The following MCC variants were observed in gnomAD, a reference collection of about 807,000 sequenced individuals.
MCC encodes the protein colorectal mutant cancer protein.
Under a neutral mutation model 116.2 loss-of-function variants are expected in MCC, and 90 were observed. That is an observed-to-expected ratio of 0.77 (90% CI 0.65 to 0.92). The LOEUF is 0.92. MCC is among the 40% of genes least tolerant of loss of function. The pLI, the probability that MCC is intolerant of heterozygous loss-of-function variation, is 0.00. For synonymous variants in MCC, 578 were observed against 510.5 expected (o/e 1.13, Z -1.78); for missense variants, 1,516 against 1,312.2 (o/e 1.16, Z -2.40).
intron 3 of MCC, among the ~76,000 whole-genome samples, chr5:113,164,668 G>A (rs1321432450): frequency 6.6e-6 from 1 of 152,244 alleles, no homozygotes; most frequent in Admixed American, 6.5e-5. Flanking sequence ...GGCACAGTCA[G>A]TTTTCTAGTA....
At chr5:113,241,954 C>T (rs993831952) in intron 3 of MCC, among the ~76,000 whole-genome samples, 3 of 152,150 alleles carry the variant, frequency 2.0e-5, no homozygotes, top group African/African-American at 7.2e-5. Flanking sequence ...AGGAAAAAAA[C>T]AGGTGGCCAT....
chr5:113,281,426 C>T (rs140967524), intron 3 of MCC, among the ~76,000 whole-genome samples: 14 of 152,342 alleles, frequency 9.2e-5, no homozygotes, highest in Admixed American at 2.0e-4. Context: ...CACATGAACA[C>T]GGTCTGTTTC....
intron 5 of MCC, among the ~76,000 whole-genome samples, chr5:113,131,929 AC>A (rs1306132846): frequency 6.6e-6 from 1 of 152,244 alleles, no homozygotes; most frequent in East Asian, 1.9e-4. Flanking sequence ...TCAGTGACCA[AC>A]CATATGCACC....
At chr5:113,161,620 A>ATGTGTGTGTG (rs57962617) in intron 3 of MCC, among the ~76,000 whole-genome samples, 314 of 148,422 alleles carry the variant, frequency 2.1e-3, no homozygotes, top group African/African-American at 7.6e-3. Context: ...GTTTAGATTT[A>ATGTGTGTGTG]TGTGTGTGTG....
chr5:113,256,767 T>C (rs750426654), intron 3 of MCC, among the ~76,000 whole-genome samples: 2 of 152,204 alleles, frequency 1.3e-5, no homozygotes, highest in South Asian at 2.1e-4. Flanking sequence ...ATACAGATAC[T>C]TGGCATAGCC....
intron 1 of MCC, among the ~76,000 whole-genome samples, chr5:113,413,421 G>C (rs1303662212): frequency 6.6e-6 from 1 of 152,092 alleles, no homozygotes; most frequent in African/African-American, 2.4e-5. Flanking sequence ...TTGGTTGGTA[G>C]GCTATTGATT....
chr5:113,383,780 T>C (rs11738215), intron 2 of MCC, among the ~76,000 whole-genome samples: 28,306 of 152,090 alleles, frequency 0.19, 3,161 homozygotes, highest in Admixed American at 0.31. Flanking sequence ...AAGTAGAATA[T>C]ATGAAGGTAG....
chr5:113,183,046 A>T (rs1761710999), intron 3 of MCC, among the ~76,000 whole-genome samples: 1 of 152,180 alleles, frequency 6.6e-6, no homozygotes, highest in Non-Finnish European at 1.5e-5. Context: ...AGAGCTGGGG[A>T]GGGTGTCCAG....
At chr5:113,154,061 C>G (rs144484772) in intron 3 of MCC, among the ~76,000 whole-genome samples, 2 of 152,304 alleles carry the variant, frequency 1.3e-5, no homozygotes, top group African/African-American at 4.8e-5. Flanking sequence ...AAAAATAAAC[C>G]AGAAAGAGCA....
chr5:113,383,162 C>T (rs1482546224), intron 2 of MCC, among the ~76,000 whole-genome samples: 2 of 152,128 alleles, frequency 1.3e-5, no homozygotes, highest in Non-Finnish European at 2.9e-5. Flanking sequence ...AAATTTCCTT[C>T]TGTGTACATA....
intron 3 of MCC, among the ~76,000 whole-genome samples, chr5:113,220,730 GTAGGAT>G (rs1561466671): frequency 6.6e-6 from 1 of 152,124 alleles, no homozygotes; most frequent in Non-Finnish European, 1.5e-5. Context: ...TGTAGATACC[GTAGGAT>G]TTTCTACACA....
intron 1 of MCC, among the ~76,000 whole-genome samples, chr5:113,473,425 G>C (rs931230780): frequency 1.4e-4 from 21 of 152,244 alleles, no homozygotes; most frequent in African/African-American, 5.1e-4. Flanking sequence ...TTGGAAGCCT[G>C]ATGCGGGAGG....
At chr5:113,094,317 G>C (rs984356157) in intron 8 of MCC, among the ~76,000 whole-genome samples, 2 of 151,674 alleles carry the variant, frequency 1.3e-5, no homozygotes, top group African/African-American at 4.8e-5. Context: ...CTCTCGGTAA[G>C]TTTGATATGT....
chr5:113,462,923 C>T (rs1771785620), intron 1 of MCC, among the ~76,000 whole-genome samples: 1 of 151,998 alleles, frequency 6.6e-6, no homozygotes, highest in Admixed American at 6.6e-5. Flanking sequence ...ACCAACAATT[C>T]CCACGAATGA....
rs1750495684 is a variant in MCC, at chr5:113,025,696, T to C, written c.*1606A>G. 1 of 152,204 alleles carries C rather than the reference T, an allele frequency of 6.6e-6. No individual in the cohort carries two copies. The highest frequency in any genetic ancestry group is 1.5e-5 in the Non-Finnish European group (1 of 68,064). The allele number at this position is 152,204 out of a possible 1,614,324, so 9.4% of individuals were successfully genotyped here. Reference sequence around the variant, plus strand: ...CAAAGCACCCCAAAGCTGGTCCTTCTAGACTGATACCAGTTGATCTGTTGT... The same window carrying C: ...CAAAGCACCCCAAAGCTGGTCCTTCCAGACTGATACCAGTTGATCTGTTGT... On this transcript the variant is annotated 3_prime_UTR_variant, in exon 19 of 19. Transcript: ENST00000408903.
intron 5 of MCC, among the ~76,000 whole-genome samples, chr5:113,134,134 T>C (rs1389545564): frequency 1.3e-5 from 2 of 152,232 alleles, no homozygotes; most frequent in Non-Finnish European, 2.9e-5. Flanking sequence ...GAGGTCTTAC[T>C]AAAAATTCTT....
intron 2 of MCC, among the ~76,000 whole-genome samples, chr5:113,383,132 A>G (rs1769165015): frequency 6.8e-6 from 1 of 146,826 alleles, no homozygotes; most frequent in Non-Finnish European, 1.5e-5. Context: ...TACTACACAT[A>G]AACAATTTTT....
chr5:113,101,818 C>T lies in MCC; in HGVS notation c.1319G>A (p.Cys440Tyr). Residue 440 changes from cysteine to tyrosine, a missense_variant, in exon 8 of 19, where the codon TGC (cysteine) becomes TAC (tyrosine). Coordinates refer to ENST00000408903, the MANE Select transcript of MCC (RefSeq NM_001085377.2). ...CCGGTTCAGTTCTTCCTCTTTGCTG[C>T]ACAGCATGGCAGTCAGGCTCTCATT... ...EENESLTAML[C>Y]SKEEELNRTK... 6.2e-7 allele frequency: 1 copy of T among 1,613,604 alleles called. No individual in the cohort carries two copies. The highest frequency in any genetic ancestry group is 8.5e-7 in the Non-Finnish European group (1 of 1,180,028).
At chr5:113,473,294 C>T (rs549067430) in intron 1 of MCC, among the ~76,000 whole-genome samples, 34 of 152,188 alleles carry the variant, frequency 2.2e-4, no homozygotes, top group African/African-American at 7.2e-4. Context: ...GAGGACAAGA[C>T]AGGAGGATCA....
Sources: allele counts gnomAD v4.1 joint callset (sites outside exome capture counted in the v4.1 genomes callset), GRCh38; gene constraint gnomAD v4.1.1; transcripts MANE v1.5; gene names NCBI Gene and HGNC (gene_info 2026-07-23, HGNC 2026-07-21).